Variants in PCCB observed in about 807,000 individuals in gnomAD.
The protein encoded by PCCB is propionyl-CoA carboxylase subunit beta.
PCCB carries 43 observed loss-of-function variants against 60.7 expected under a neutral mutation model. The observed-to-expected ratio is 0.71, with a 90% CI of 0.55 to 0.91. The LOEUF (loss-of-function observed/expected upper bound fraction) is 0.91, where lower values mean the gene tolerates loss of function less well. PCCB is among the 40% of genes least tolerant of loss of function. PCCB has a pLI of 0.00. For missense variants in PCCB, 766 were observed against 702.8 expected (o/e 1.09, Z -1.02); for synonymous variants, 276 against 255.9 (o/e 1.08, Z -0.75).
intron 5 of PCCB, among the ~76,000 whole-genome samples, chr3:136,273,590 CTTTTTTCTTTTT>C (rs1576318244): frequency 4.6e-5 from 3 of 65,638 alleles, no homozygotes; most frequent in African/African-American, 1.8e-4. Context: ...TTTTTTTTTT[CTTTTTTCTTTTT>C]TTTTTTTTTT....
In PCCB at chr3:136,317,802, G is replaced by A. The variant is rs182450063; in HGVS notation, c.1090+738G>A. On this transcript the variant is annotated intron_variant, in intron 10 of 14. Transcript: ENST00000251654. ...TGACAAGTTAATGGCATCTTACCAT[G>A]TCTGTGCCCCACAGCTTTCTGGTGA... Among the ~76,000 whole-genome samples the A allele has an allele frequency of 2.9e-3, 449 of 152,292 alleles. 2 individuals are homozygous for A. The highest frequency in any genetic ancestry group is 6.8e-3 in the Middle Eastern group (2 of 294).
chr3:136,264,056 T>C lies in PCCB; in HGVS notation c.543+1991T>C, dbSNP rs371354760. On this transcript the variant is annotated intron_variant, in intron 5 of 14. Coordinates refer to ENST00000251654, the MANE Select transcript of PCCB (RefSeq NM_000532.5). ...AAACTTCACAGAAAAATGACAAGAATAGTATGGGAACTCCTATATGTCCTT... is the reference window on the plus strand; with the variant it reads ...AAACTTCACAGAAAAATGACAAGAACAGTATGGGAACTCCTATATGTCCTT... 2.0e-5 allele frequency among the ~76,000 whole-genome samples: 3 copies of C among 151,632 alleles called. No homozygotes were observed. In the East Asian group the frequency reaches 5.8e-4, roughly 29 times the overall value.
chr3:136,253,087 T>TG (rs1941563843), intron 1 of PCCB, among the ~76,000 whole-genome samples: 2 of 127,018 alleles, frequency 1.6e-5, no homozygotes, highest in African/African-American at 3.1e-5. Flanking sequence ...TGGAGGTTTT[T>TG]TTTTTTTTTT....
At chr3:136,301,768 ATTGTTT>A (rs1934294351) in intron 9 of PCCB, among the ~76,000 whole-genome samples, 1 of 151,872 alleles carries the variant, frequency 6.6e-6, no homozygotes, top group Non-Finnish European at 1.5e-5. Context: ...GTTTTCTGTT[ATTGTTT>A]TTGTCTTTTT....
At chr3:136,264,085 C>T (rs1030889168) in intron 5 of PCCB, among the ~76,000 whole-genome samples, 5 of 151,932 alleles carry the variant, frequency 3.3e-5, no homozygotes, top group African/African-American at 9.7e-5. Context: ...TGTCCTTTTC[C>T]CAGATTCACC....
chr3:136,322,342 C>T (rs1935139574), intron 10 of PCCB, among the ~76,000 whole-genome samples: 1 of 152,080 alleles, frequency 6.6e-6, no homozygotes, highest in South Asian at 2.1e-4. Flanking sequence ...TCTTTTTCTG[C>T]ATTGTTGGAT....
intron 9 of PCCB, among the ~76,000 whole-genome samples, chr3:136,306,735 A>G (rs1282635596): frequency 8.2e-6 from 1 of 122,620 alleles, no homozygotes; most frequent in African/African-American, 2.5e-5. Context: ...TGTATGAGAA[A>G]AAAGTGACTA....
At chr3:136,257,865 G>A (rs1353740619) in intron 3 of PCCB, among the ~76,000 whole-genome samples, 7 of 152,088 alleles carry the variant, frequency 4.6e-5, no homozygotes, top group Non-Finnish European at 1.0e-4. Flanking sequence ...CCTGGGAGGC[G>A]GAGGTTGCAG....
chr3:136,256,441 T>C (rs1176644666), intron 2 of PCCB, 114 bp from the exon 3 acceptor site: 3 of 762,074 alleles, frequency 3.9e-6, no homozygotes, highest in South Asian at 2.9e-5. Context: ...CTTGTTCATA[T>C]TGACGTTTTA....
At chr3:136,327,127 G>A in intron 11 of PCCB, 28 bp from the exon 12 acceptor site, 1 of 1,593,122 alleles carries the variant, frequency 6.3e-7, no homozygotes, top group Non-Finnish European at 8.6e-7. Flanking sequence ...GGACTTGTGG[G>A]TATCTAGTAA....
intron 9 of PCCB, among the ~76,000 whole-genome samples, chr3:136,311,397 G>A (rs941891430): frequency 2.0e-5 from 3 of 152,108 alleles, no homozygotes; most frequent in African/African-American, 7.2e-5. Context: ...TGTCACCCAG[G>A]ATGGAGTGCA....
chr3:136,290,671 G>GTATTTTTTTTT (rs1933636904), intron 6 of PCCB, among the ~76,000 whole-genome samples: 1 of 60,050 alleles, frequency 1.7e-5, no homozygotes, highest in South Asian at 8.5e-4. Context: ...TCTCTGTGTA[G>GTATTTTTTTTT]TTTTTTTTTT....
rs761176213 is a variant in PCCB at position 136,330,068 on chromosome 3, G to GCCCATTCACAT, written c.*50_*60dup. The GCCCATTCACAT allele has an allele frequency of 9.5e-5, 153 of 1,613,204 alleles. No homozygotes were observed. The East Asian group carries it at 2.1e-3, about 23-fold the overall frequency. On this transcript the variant is annotated 3_prime_UTR_variant, in exon 15 of 15. Transcript: ENST00000251654. ...GAAACCAAGAACTGAATTACTGTCT[G>GCCCATTCACAT]CCCATTCACATCCCATTCCTGCCTT...
intron 9 of PCCB, among the ~76,000 whole-genome samples, chr3:136,307,580 C>G (rs1465920868): frequency 6.6e-6 from 1 of 151,670 alleles, no homozygotes; most frequent in Non-Finnish European, 1.5e-5. Flanking sequence ...TTCTTTAATA[C>G]TACTCACATA....
At chr3:136,283,429 C>T (rs1159148866) in intron 5 of PCCB, among the ~76,000 whole-genome samples, 1 of 152,114 alleles carries the variant, frequency 6.6e-6, no homozygotes, top group African/African-American at 2.4e-5. Flanking sequence ...AAATAGAGGT[C>T]AGGGTGCCAA....
intron 6 of PCCB, among the ~76,000 whole-genome samples, chr3:136,284,247 T>G (rs1322270051): frequency 6.6e-6 from 1 of 152,230 alleles, no homozygotes; most frequent in African/African-American, 2.4e-5. Flanking sequence ...GATGACTGTT[T>G]ACTGAGTCCT....
intron 5 of PCCB, among the ~76,000 whole-genome samples, chr3:136,262,577 TTA>T (rs1941856215): frequency 6.6e-6 from 1 of 152,114 alleles, no homozygotes; most frequent in Non-Finnish European, 1.5e-5. Context: ...CAGACTGAAA[TTA>T]TGAGAGAAAG....
At chr3:136,259,129 C>T in intron 3 of PCCB, 2 of 1,445,120 alleles carry the variant, frequency 1.4e-6, no homozygotes, top group African/African-American at 1.4e-5. Flanking sequence ...GCAGAAGAAG[C>T]AGTGAGAGCT....
At chr3:136,261,925 CAAT>C in intron 4 of PCCB, 24 bp from the exon 5 acceptor site, 4 of 1,398,176 alleles carry the variant, frequency 2.9e-6, no homozygotes, top group Non-Finnish European at 4.0e-6. Flanking sequence ...ACATTTGTCT[CAAT>C]AAAAGATTTC....
Sources: gnomAD v4.1 joint callset for allele counts (sites outside exome capture counted in the v4.1 genomes callset) on GRCh38, gnomAD v4.1.1 for gene constraint, MANE v1.5 for transcripts, NCBI Gene and HGNC (gene_info 2026-07-23, HGNC 2026-07-21) for gene names.